SH3BGRL2: variants seen among roughly 807,000 people sequenced by gnomAD.
SH3BGRL2 encodes the protein SH3 domain binding glutamate rich protein like 2.
In SH3BGRL2, 21 loss-of-function variants were observed where a neutral mutation model predicts 14.8. That is an observed-to-expected ratio of 1.42 (90% CI 1.01 to 2.05). The LOEUF (loss-of-function observed/expected upper bound fraction) is 2.05. Ranked by LOEUF, SH3BGRL2 falls within the 30% of genes most tolerant of loss-of-function variation. The pLI is 0.00. For missense variants in SH3BGRL2, 147 were observed against 130.8 expected (o/e 1.12, Z -0.61); for synonymous variants, 50 against 47.8 (o/e 1.05, Z -0.19).
chr6:79,645,123 A>G (rs1190645660), intron 1 of SH3BGRL2, among the ~76,000 whole-genome samples: 1 of 144,802 alleles, frequency 6.9e-6, no homozygotes, highest in African/African-American at 2.6e-5. Context: ...AGATTGCACC[A>G]CTGCACTCCA....
intron 1 of SH3BGRL2, 53 bp from the exon 2 acceptor site, chr6:79,673,561 A>T: frequency 1.3e-6 from 2 of 1,561,456 alleles, no homozygotes; most frequent in South Asian, 2.3e-5. Flanking sequence ...GGAAGTATAT[A>T]CATACTGTTT....
the SH3BGRL2 span, among the ~76,000 whole-genome samples, chr6:79,617,003 T>G: frequency 6.6e-6 from 1 of 152,206 alleles, no homozygotes. Context: ...GCCACCAGCA[T>G]GGAGAAACCT....
rs1770411939 is a variant in SH3BGRL2, at chr6:79,699,616, A to AT, written c.*107_*108insT. ...TGTGACAAAAGCCACACGCATTATCAGTAACTTTGCTTGCCACGGAAAAGG... is the reference window on the plus strand; with the variant it reads ...TGTGACAAAAGCCACACGCATTATCATGTAACTTTGCTTGCCACGGAAAAGG... On this transcript the variant is annotated 3_prime_UTR_variant, in exon 4 of 4. Coordinates refer to ENST00000369838, the MANE Select transcript of SH3BGRL2 (RefSeq NM_031469.4). The AT allele has an allele frequency of 1.5e-6, 2 of 1,356,020 alleles. No individual in the cohort carries two copies. Among genetic ancestry groups the AT allele is most frequent in the African/African-American group, 3.3e-5 (2 of 60,988 alleles). The allele number at this position is 1,356,020 out of a possible 1,614,324, so 84.0% of individuals were successfully genotyped here.
At chr6:79,598,627 T>C in the SH3BGRL2 span, among the ~76,000 whole-genome samples, 3 of 152,074 alleles carry the variant, frequency 2.0e-5, no homozygotes, top group African/African-American at 7.2e-5. Flanking sequence ...TGCTAATGGG[T>C]ACAGGGTTGC....
At chr6:79,691,421 T>C (rs1770212331) in intron 2 of SH3BGRL2, among the ~76,000 whole-genome samples, 1 of 151,496 alleles carries the variant, frequency 6.6e-6, no homozygotes, top group South Asian at 2.1e-4. Flanking sequence ...TTGTTACATA[T>C]GTATACATGT....
At chr6:79,674,687 C>T (rs570972468) in intron 2 of SH3BGRL2, among the ~76,000 whole-genome samples, 45 of 152,242 alleles carry the variant, frequency 3.0e-4, no homozygotes, top group Non-Finnish European at 5.4e-4. Context: ...CTTTCCCCCA[C>T]GTGCGTAATG....
the SH3BGRL2 span, among the ~76,000 whole-genome samples, chr6:79,569,503 T>A: frequency 6.6e-6 from 1 of 152,170 alleles, no homozygotes; most frequent in African/African-American, 2.4e-5. Flanking sequence ...TTGATTTCTT[T>A]CAGGGCCTGC....
the SH3BGRL2 span, among the ~76,000 whole-genome samples, chr6:79,542,304 G>A: frequency 3.4e-5 from 5 of 145,774 alleles, no homozygotes; most frequent in African/African-American, 1.3e-4. Flanking sequence ...TTTCACTCTT[G>A]TTGCCCAGGC....
intron 1 of SH3BGRL2, among the ~76,000 whole-genome samples, chr6:79,638,500 T>C (rs1768969311): frequency 6.6e-6 from 1 of 152,160 alleles, no homozygotes; most frequent in Admixed American, 6.5e-5. Flanking sequence ...GTAGTTCCAT[T>C]TGTGGTTTTT....
At position 79,703,269 on chromosome 6, in the gene SH3BGRL2, A is replaced by G. The variant is rs753397933; in HGVS notation, c.*3760A>G. 2 of 152,204 alleles carry G rather than the reference A, an allele frequency of 1.3e-5. No individual in the cohort carries two copies. Among genetic ancestry groups the G allele is most frequent in the Non-Finnish European group, 2.9e-5 (2 of 68,038 alleles). 9.4% of individuals were successfully genotyped at this position (152,204 alleles called of 1,614,324 possible). A position where few individuals can be genotyped will look rare whatever the true frequency, so the allele number is the denominator to read the frequency against. On this transcript the variant is annotated 3_prime_UTR_variant, in exon 4 of 4. Coordinates refer to ENST00000369838, the MANE Select transcript of SH3BGRL2 (RefSeq NM_031469.4). ...AAGCAGCAGTTTTAGCCAGGGTTCA[A>G]TGATAGAGTGGAGGTAAATTAAGAG...
At chr6:79,572,492 G>GTC in the SH3BGRL2 span, among the ~76,000 whole-genome samples, 1 of 149,934 alleles carries the variant, frequency 6.7e-6, no homozygotes, top group African/African-American at 2.5e-5. Flanking sequence ...TTGAGACATA[G>GTC]TCTCACTCTG....
the SH3BGRL2 span, among the ~76,000 whole-genome samples, chr6:79,539,726 G>A: frequency 2.5e-4 from 38 of 152,162 alleles, no homozygotes; most frequent in African/African-American, 8.7e-4. Context: ...GAGTTTGAAT[G>A]GTTGGTTAGA....
the SH3BGRL2 span, among the ~76,000 whole-genome samples, chr6:79,623,353 A>G: frequency 6.6e-6 from 1 of 152,092 alleles, no homozygotes; most frequent in Non-Finnish European, 1.5e-5. Context: ...TAACATGGGA[A>G]AGACTAAATG....
chr6:79,625,207 C>T, the SH3BGRL2 span, among the ~76,000 whole-genome samples: 2 of 141,836 alleles, frequency 1.4e-5, no homozygotes, highest in African/African-American at 5.9e-5. Flanking sequence ...CACACACATA[C>T]ATATATATAC....
intron 1 of SH3BGRL2, among the ~76,000 whole-genome samples, chr6:79,668,376 A>G (rs781150198): frequency 9.2e-5 from 14 of 152,188 alleles, no homozygotes; most frequent in Non-Finnish European, 1.6e-4. Flanking sequence ...CTTCACTAAG[A>G]TTTCCACGGG....
At position 79,662,606 on chromosome 6, in the gene SH3BGRL2, A is replaced by G. The variant is rs148412627; in HGVS notation, c.46-11008A>G. Among the ~76,000 whole-genome samples the G allele has an allele frequency of 3.4e-3, 510 of 152,120 alleles. 3 individuals are homozygous for G. The highest frequency in any genetic ancestry group is 5.4e-3 in the Admixed American group (82 of 15,276). On this transcript the variant is annotated intron_variant, in intron 1 of 3. Coordinates refer to ENST00000369838, the MANE Select transcript of SH3BGRL2 (RefSeq NM_031469.4). Reference sequence around the variant, plus strand: ...TTTTTCCTTCATTTCAACCTTGGTGAATCTGACAATTAGTTGTCTTGGAGT... The same window carrying G: ...TTTTTCCTTCATTTCAACCTTGGTGGATCTGACAATTAGTTGTCTTGGAGT...
At chr6:79,537,739 T>C in the SH3BGRL2 span, among the ~76,000 whole-genome samples, 2 of 152,166 alleles carry the variant, frequency 1.3e-5, no homozygotes, top group African/African-American at 4.8e-5. Context: ...AATTGTAAAA[T>C]TGGCGACTGC....
At chr6:79,694,126 A>G (rs1020219413) in intron 2 of SH3BGRL2, among the ~76,000 whole-genome samples, 2 of 152,222 alleles carry the variant, frequency 1.3e-5, no homozygotes, top group African/African-American at 4.8e-5. Flanking sequence ...AAGAGAGGTC[A>G]GGGCAAGAGA....
rs78532015 is a variant in SH3BGRL2, at chr6:79,646,124, C to T, written c.45+14618C>T. 8.5e-3 allele frequency among the ~76,000 whole-genome samples: 1,295 copies of T among 152,308 alleles called. 21 individuals are homozygous for T. The highest frequency in any genetic ancestry group is 0.029 in the African/African-American group (1,207 of 41,570). On this transcript the variant is annotated intron_variant, in intron 1 of 3. Transcript: ENST00000369838. ...ACTGGGTGCTAGTAGCACCCTTCCTCCTGGTTGCAACTACCAAAAATGTCT... is the reference window on the plus strand; with the variant it reads ...ACTGGGTGCTAGTAGCACCCTTCCTTCTGGTTGCAACTACCAAAAATGTCT...
Sources: gnomAD v4.1 joint callset for allele counts (sites outside exome capture counted in the v4.1 genomes callset) on GRCh38, gnomAD v4.1.1 for gene constraint, MANE v1.5 for transcripts, NCBI Gene and HGNC (gene_info 2026-07-23, HGNC 2026-07-21) for gene names.